The following NRXN3 variants were observed in gnomAD, a reference collection of about 807,000 sequenced individuals.
The protein encoded by NRXN3 is neurexin III.
A neutral mutation model predicts 137.6 loss-of-function variants in NRXN3; 32 were observed. The ratio of observed to expected loss-of-function variants is 0.23; its 90% CI spans 0.18 to 0.31. The LOEUF (loss-of-function observed/expected upper bound fraction) is 0.31. Ranked by LOEUF, NRXN3 falls within the 10% of genes least tolerant of loss-of-function variation. NRXN3 has a pLI of 1.00. For missense variants in NRXN3, 1,574 were observed against 2,062.5 expected (o/e 0.76, Z 4.59); for synonymous variants, 798 against 784.5 (o/e 1.02, Z -0.29).
chr14:79,850,238 G>A (rs537463084), intron 20 of NRXN3, among the ~76,000 whole-genome samples: 20 of 152,276 alleles, frequency 1.3e-4, no homozygotes, highest in African/African-American at 4.1e-4. Flanking sequence ...AGTGTTGCAC[G>A]AAGACTGTTG....
chr14:78,200,673 A>G lies in NRXN3; in HGVS notation c.-704+29999A>G, dbSNP rs116723464. ...AGAGAAAATCCTGAACTGACTTGAT[A>G]TTATGTAATTATTATATAATTAAAA... On this transcript the variant is annotated intron_variant, in intron 1 of 20. Coordinates refer to ENST00000335750, the MANE Select transcript of NRXN3 (RefSeq NM_001330195.2). Among the ~76,000 whole-genome samples, 1,440 of 152,304 alleles carry G rather than the reference A, an allele frequency of 9.5e-3. 18 individuals carry two copies. The highest frequency in any genetic ancestry group is 0.033 in the African/African-American group (1,380 of 41,554).
intron 20 of NRXN3, among the ~76,000 whole-genome samples, chr14:79,841,141 C>T (rs2099354945): frequency 6.6e-6 from 1 of 152,202 alleles, no homozygotes. Context: ...GGTACATAAT[C>T]TTGATGTCAA....
chr14:79,053,603 G>C (rs2099645433), intron 15 of NRXN3, among the ~76,000 whole-genome samples: 1 of 143,154 alleles, frequency 7.0e-6, no homozygotes, highest in Non-Finnish European at 1.5e-5. Flanking sequence ...TATTGTGCGT[G>C]TTCTATGTGT....
At chr14:78,493,195 A>G (rs573599353) in intron 4 of NRXN3, among the ~76,000 whole-genome samples, 177 of 152,182 alleles carry the variant, frequency 1.2e-3, no homozygotes, top group African/African-American at 4.1e-3. Flanking sequence ...TCAGGTTTTT[A>G]TAGATGATCT....
At chr14:78,446,480 C>A (rs1278627273) in intron 4 of NRXN3, among the ~76,000 whole-genome samples, 1 of 151,746 alleles carries the variant, frequency 6.6e-6, no homozygotes, top group Non-Finnish European at 1.5e-5. Context: ...GTAAGGTATA[C>A]TTCATACTTG....
chr14:79,663,230 ATGTGTGTGTGTGTACGCGTGTGTGTG>A (rs1266172694), intron 16 of NRXN3, among the ~76,000 whole-genome samples: 1 of 150,428 alleles, frequency 6.6e-6, no homozygotes, highest in Non-Finnish European at 1.5e-5. Context: ...CATTATGTGC[ATGTGTGTGTGTGTACGCGTGTGTGTG>A]TGTGTGTGTA....
intron 16 of NRXN3, among the ~76,000 whole-genome samples, chr14:79,485,594 G>A (rs1038361740): frequency 2.0e-5 from 3 of 152,084 alleles, no homozygotes; most frequent in African/African-American, 7.2e-5. Flanking sequence ...CCTTTTGTGT[G>A]TGTGCGTGCC....
At chr14:79,478,681 C>T (rs1322377299) in intron 16 of NRXN3, among the ~76,000 whole-genome samples, 2 of 152,010 alleles carry the variant, frequency 1.3e-5, no homozygotes, top group African/African-American at 4.8e-5. Flanking sequence ...ATTGAAAAGT[C>T]CTACAAAATA....
At chr14:79,183,022 A>G (rs1287146203) in intron 15 of NRXN3, among the ~76,000 whole-genome samples, 4 of 152,216 alleles carry the variant, frequency 2.6e-5, no homozygotes, top group Non-Finnish European at 2.9e-5. Context: ...TTGCTATAAA[A>G]TCAGAATACA....
At chr14:78,716,946 T>A (rs893346065) in intron 8 of NRXN3, among the ~76,000 whole-genome samples, 6 of 152,186 alleles carry the variant, frequency 3.9e-5, no homozygotes, top group African/African-American at 1.4e-4. Flanking sequence ...GGCTGGTCAG[T>A]CTGTCAGGTG....
intron 4 of NRXN3, among the ~76,000 whole-genome samples, chr14:78,542,276 T>C (rs1439313377): frequency 6.6e-6 from 1 of 152,152 alleles, no homozygotes; most frequent in African/African-American, 2.4e-5. Context: ...GCCCTGCCCA[T>C]AGCTGATGTG....
chr14:79,846,540 G>C (rs145283160), intron 20 of NRXN3, among the ~76,000 whole-genome samples: 3 of 152,298 alleles, frequency 2.0e-5, no homozygotes, highest in Non-Finnish European at 4.4e-5. Flanking sequence ...AAACGTTACA[G>C]AAGACAGTAT....
chr14:78,758,287 C>T (rs1276361228), intron 8 of NRXN3, among the ~76,000 whole-genome samples: 2 of 152,058 alleles, frequency 1.3e-5, no homozygotes, highest in African/African-American at 2.4e-5. Context: ...ACTCTAATAG[C>T]GAATTTAAAA....
intron 10 of NRXN3, among the ~76,000 whole-genome samples, chr14:78,928,349 TG>T (rs1239754500): frequency 6.6e-6 from 1 of 152,132 alleles, no homozygotes; most frequent in Non-Finnish European, 1.5e-5. Flanking sequence ...GTGCACAATG[TG>T]CAGGTTTGTT....
Position 78,879,382 on chromosome 14 carries a change from T to A in NRXN3, c.2275+69038T>A, listed in dbSNP as rs1269802818. Among the ~76,000 whole-genome samples the A allele has an allele frequency of 2.6e-5, 4 of 152,174 alleles. No individual in the cohort carries two copies. In the East Asian group the frequency reaches 7.7e-4, roughly 29 times the overall value. On this transcript the variant is annotated intron_variant, in intron 10 of 20. Transcript: ENST00000335750. Reference sequence around the variant, plus strand: ...TGCTAATACTTATCTTTTATCTTTATGATAACAACTAATCTATAGTAATAG... The same window carrying A: ...TGCTAATACTTATCTTTTATCTTTAAGATAACAACTAATCTATAGTAATAG...
chr14:79,186,888 C>T (rs78709558), intron 15 of NRXN3, among the ~76,000 whole-genome samples: 5,481 of 152,262 alleles, frequency 0.036, 242 homozygotes, highest in East Asian at 0.22. Context: ...TATATAGAGG[C>T]ATTAATTCAG....
intron 15 of NRXN3, among the ~76,000 whole-genome samples, chr14:79,297,688 G>A (rs1426692402): frequency 6.6e-6 from 1 of 152,108 alleles, no homozygotes; most frequent in Non-Finnish European, 1.5e-5. Flanking sequence ...TAAGGACAGG[G>A]TGGTGGCATT....
At chr14:78,379,184 C>A (rs2088544540) in intron 4 of NRXN3, among the ~76,000 whole-genome samples, 1 of 152,046 alleles carries the variant, frequency 6.6e-6, no homozygotes, top group African/African-American at 2.4e-5. Context: ...AGAATTCTAC[C>A]AAACAGCAGA....
chr14:79,095,233 C>G (rs904549673), intron 15 of NRXN3, among the ~76,000 whole-genome samples: 3 of 152,054 alleles, frequency 2.0e-5, no homozygotes, highest in African/African-American at 4.8e-5. Context: ...CTACAGTGAG[C>G]TTTTACCAAT....
Sources: allele counts gnomAD v4.1 joint callset (sites outside exome capture counted in the v4.1 genomes callset), GRCh38; gene constraint gnomAD v4.1.1; transcripts MANE v1.5; gene names NCBI Gene and HGNC (gene_info 2026-07-23, HGNC 2026-07-21).